The following ANGPT1 variants were observed in gnomAD, a reference collection of about 807,000 sequenced individuals.
ANGPT1 encodes angiopoietin 1, also known as angiopoietin-1.
ANGPT1 carries 17 observed loss-of-function variants against 62.2 expected under a neutral mutation model. That is an observed-to-expected ratio of 0.27 (90% CI 0.19 to 0.41). ANGPT1 has a LOEUF of 0.41. ANGPT1 is among the 10% of genes least tolerant of loss of function. ANGPT1 has a pLI of 1.00. For missense variants in ANGPT1, 478 were observed against 594.9 expected (o/e 0.80, Z 2.04); for synonymous variants, 199 against 198.9 (o/e 1.00, Z 0.00).
chr8:107,300,270 G>C (rs1009998368), intron 5 of ANGPT1, among the ~76,000 whole-genome samples: 1 of 150,758 alleles, frequency 6.6e-6, no homozygotes, highest in African/African-American at 2.4e-5. Flanking sequence ...TTACTTTTGA[G>C]GAAATTCACA....
intron 6 of ANGPT1, among the ~76,000 whole-genome samples, chr8:107,290,576 G>A (rs749736813): frequency 1.3e-5 from 2 of 152,066 alleles, no homozygotes; most frequent in Non-Finnish European, 2.9e-5. Flanking sequence ...AGAAAGAACC[G>A]AAACACTGTC....
chr8:107,486,360 C>T (rs1019461346), intron 1 of ANGPT1, among the ~76,000 whole-genome samples: 2 of 152,160 alleles, frequency 1.3e-5, no homozygotes, highest in African/African-American at 4.8e-5. Context: ...GTTACTTCCA[C>T]TCTCTGTACC....
chr8:107,301,318 C>A (rs187433020), intron 5 of ANGPT1, among the ~76,000 whole-genome samples: 2 of 151,912 alleles, frequency 1.3e-5, no homozygotes, highest in African/African-American at 4.8e-5. Context: ...GTGGAACTGA[C>A]AATAATTTAG....
At chr8:107,478,393 C>A (rs1812591258) in intron 1 of ANGPT1, among the ~76,000 whole-genome samples, 1 of 151,844 alleles carries the variant, frequency 6.6e-6, no homozygotes, top group Admixed American at 6.6e-5. Flanking sequence ...ACTAAAAATA[C>A]AAAAAGTAGC....
chr8:107,424,602 G>C (rs1023270394), intron 1 of ANGPT1, among the ~76,000 whole-genome samples: 6 of 152,196 alleles, frequency 3.9e-5, no homozygotes, highest in African/African-American at 1.4e-4. Context: ...CAGGACCTAA[G>C]CATAACACAT....
chr8:107,262,005 G>A (rs1241573573), intron 8 of ANGPT1, among the ~76,000 whole-genome samples: 1 of 152,046 alleles, frequency 6.6e-6, no homozygotes, highest in Non-Finnish European at 1.5e-5. Flanking sequence ...GACCAGCCTG[G>A]TTGACATGGT....
intron 1 of ANGPT1, among the ~76,000 whole-genome samples, chr8:107,450,487 T>A (rs1185446559): frequency 2.0e-5 from 3 of 152,116 alleles, no homozygotes; most frequent in Middle Eastern, 3.4e-3. Flanking sequence ...CACTGTGTGG[T>A]CTTCTACATT....
intron 1 of ANGPT1, among the ~76,000 whole-genome samples, chr8:107,449,685 C>T (rs1434149199): frequency 6.6e-6 from 1 of 152,066 alleles, no homozygotes; most frequent in Non-Finnish European, 1.5e-5. Context: ...TCAACTGTTG[C>T]ATGACTTCCT....
At chr8:107,325,540 C>T (rs1815266397) in intron 3 of ANGPT1, among the ~76,000 whole-genome samples, 1 of 152,126 alleles carries the variant, frequency 6.6e-6, no homozygotes, top group Admixed American at 6.5e-5. Flanking sequence ...AAGATGGGCA[C>T]TGGCCTTTCA....
At chr8:107,448,255 A>T (rs1811670348) in intron 1 of ANGPT1, among the ~76,000 whole-genome samples, 1 of 152,208 alleles carries the variant, frequency 6.6e-6, no homozygotes, top group Non-Finnish European at 1.5e-5. Flanking sequence ...AGTATTTTGT[A>T]GGTAAATCTA....
At chr8:107,446,990 A>G (rs1303107303) in intron 1 of ANGPT1, among the ~76,000 whole-genome samples, 1 of 152,190 alleles carries the variant, frequency 6.6e-6, no homozygotes, top group African/African-American at 2.4e-5. Context: ...CTCTCCTTCT[A>G]GTAGAGTTGC....
intron 7 of ANGPT1, among the ~76,000 whole-genome samples, chr8:107,270,069 A>T (rs527881317): frequency 6.6e-6 from 1 of 152,154 alleles, no homozygotes; most frequent in South Asian, 2.1e-4. Flanking sequence ...GCTTCAAAAT[A>T]TTCCTATATA....
intron 1 of ANGPT1, among the ~76,000 whole-genome samples, chr8:107,411,631 C>T (rs572550302): frequency 1.6e-4 from 24 of 152,262 alleles, no homozygotes; most frequent in Non-Finnish European, 2.9e-4. Context: ...AAATCAGTAA[C>T]TGGATTCCTA....
intron 1 of ANGPT1, among the ~76,000 whole-genome samples, chr8:107,350,282 T>A (rs1386387386): frequency 3.3e-5 from 5 of 152,152 alleles, no homozygotes; most frequent in African/African-American, 1.2e-4. Context: ...CTATGCAAAT[T>A]TTCCTCCTGA....
chr8:107,350,894 A>G (rs1815918195), intron 1 of ANGPT1, among the ~76,000 whole-genome samples: 1 of 152,160 alleles, frequency 6.6e-6, no homozygotes, highest in African/African-American at 2.4e-5. Flanking sequence ...ATTCCTCTGT[A>G]GATGTATAAC....
intron 1 of ANGPT1, among the ~76,000 whole-genome samples, chr8:107,443,287 C>T (rs1223146378): frequency 6.6e-6 from 1 of 152,128 alleles, no homozygotes; most frequent in Non-Finnish European, 1.5e-5. Flanking sequence ...AAGACAAAAT[C>T]ATGCAGTGGA....
At chr8:107,433,943 T>A (rs2130412931) in intron 1 of ANGPT1, among the ~76,000 whole-genome samples, 1 of 152,314 alleles carries the variant, frequency 6.6e-6, no homozygotes, top group Non-Finnish European at 1.5e-5. Context: ...CTATTCCAAA[T>A]ACTGTGAAAG....
At chr8:107,443,846 T>G (rs555163308) in intron 1 of ANGPT1, among the ~76,000 whole-genome samples, 1 of 150,700 alleles carries the variant, frequency 6.6e-6, no homozygotes, top group Non-Finnish European at 1.5e-5. Flanking sequence ...AGTATACTAG[T>G]ATACCACTCT....
In ANGPT1 at chr8:107,421,885, C is replaced by T. The variant is rs114526260; in HGVS notation, c.298-74788G>A. On this transcript the variant is annotated intron_variant, in intron 1 of 8. Transcript: ENST00000517746. ...CATAAGCATGATAATTCATGTATTT[C>T]GTCGCAGCCATCTGATTTTTCTCTG... is the stretch of plus-strand genomic sequence containing the variant. Among the ~76,000 whole-genome samples the T allele has an allele frequency of 8.3e-3, 1,262 of 152,200 alleles. 13 individuals carry two copies. Among genetic ancestry groups the T allele is most frequent in the African/African-American group, 0.028 (1,178 of 41,536 alleles).
Sources: gnomAD v4.1 joint callset for allele counts (sites outside exome capture counted in the v4.1 genomes callset) on GRCh38, gnomAD v4.1.1 for gene constraint, MANE v1.5 for transcripts, NCBI Gene and HGNC (gene_info 2026-07-23, HGNC 2026-07-21) for gene names.